Variants in FAF1 observed in about 807,000 individuals in gnomAD.
FAF1 encodes Fas associated factor 1.
Under a neutral mutation model 92.5 loss-of-function variants are expected in FAF1, and 25 were observed. That is an observed-to-expected ratio of 0.27 (90% CI 0.20 to 0.38). The LOEUF is 0.38. FAF1 is among the 10% of genes least tolerant of loss of function. The pLI is 1.00. For synonymous variants in FAF1, 234 were observed against 273.2 expected (o/e 0.86, Z 1.42); for missense variants, 636 against 793.3 (o/e 0.80, Z 2.38).
intron 4 of FAF1, among the ~76,000 whole-genome samples, chr1:50,745,745 T>C (rs1482606875): frequency 6.6e-6 from 1 of 152,160 alleles, no homozygotes; most frequent in Non-Finnish European, 1.5e-5. Flanking sequence ...TTACAAATTA[T>C]CCAGTCTCGG....
At chr1:50,839,853 T>G (rs1265852886) in intron 2 of FAF1, among the ~76,000 whole-genome samples, 2 of 152,082 alleles carry the variant, frequency 1.3e-5, no homozygotes, top group African/African-American at 2.4e-5. Context: ...GCTTTTCAAA[T>G]TTAATCAACT....
intron 6 of FAF1, among the ~76,000 whole-genome samples, chr1:50,712,421 A>G (rs924552208): frequency 1.3e-5 from 2 of 151,900 alleles, no homozygotes; most frequent in African/African-American, 2.4e-5. Context: ...TTTGGGAGGC[A>G]GAGGTGGGTG....
chr1:50,941,506 C>T (rs1278035758), intron 1 of FAF1, among the ~76,000 whole-genome samples: 2 of 152,098 alleles, frequency 1.3e-5, no homozygotes, highest in Non-Finnish European at 2.9e-5. Context: ...CATGAGCCAC[C>T]GTGCCAGTCC....
chr1:50,928,334 G>A (rs909226376), intron 1 of FAF1, among the ~76,000 whole-genome samples: 2 of 152,264 alleles, frequency 1.3e-5, no homozygotes, highest in East Asian at 1.9e-4. Context: ...TTGAGTATAT[G>A]GAGAAAAGAA....
At chr1:50,929,605 A>G (rs984387226) in intron 1 of FAF1, among the ~76,000 whole-genome samples, 1 of 152,188 alleles carries the variant, frequency 6.6e-6, no homozygotes, top group African/African-American at 2.4e-5. Flanking sequence ...ACATCTTGGG[A>G]ATTTCATTAC....
chr1:50,629,534 TAGGA>T (rs763661378), intron 8 of FAF1, among the ~76,000 whole-genome samples: 10 of 152,230 alleles, frequency 6.6e-5, no homozygotes, highest in Non-Finnish European at 1.3e-4. Flanking sequence ...GGAACTATGC[TAGGA>T]AAGAAAGGAT....
chr1:50,554,009 G>C (rs1008861746), intron 13 of FAF1, among the ~76,000 whole-genome samples: 1 of 151,770 alleles, frequency 6.6e-6, no homozygotes, highest in African/African-American at 2.4e-5. Flanking sequence ...GGCCTGGGTG[G>C]CTGCAAGTTG....
intron 18 of FAF1, among the ~76,000 whole-genome samples, chr1:50,463,672 C>T (rs1208003958): frequency 2.6e-5 from 4 of 152,194 alleles, no homozygotes; most frequent in Non-Finnish European, 5.9e-5. Context: ...AATGTCTGCA[C>T]AAGGTCTGGC....
intron 13 of FAF1, 77 bp from the exon 14 acceptor site, chr1:50,539,805 T>C (rs1648676138): frequency 1.9e-6 from 2 of 1,037,770 alleles, no homozygotes; most frequent in Non-Finnish European, 1.4e-6. Flanking sequence ...AAAGAACTCA[T>C]TGTGTTATTA....
At chr1:50,648,910 G>C (rs2124272773) in intron 8 of FAF1, among the ~76,000 whole-genome samples, 1 of 152,264 alleles carries the variant, frequency 6.6e-6, no homozygotes, top group East Asian at 1.9e-4. Flanking sequence ...TGGGTAACAA[G>C]AGCGAAACTC....
intron 15 of FAF1, among the ~76,000 whole-genome samples, chr1:50,519,059 C>T (rs112940663): frequency 0.016 from 2,490 of 152,132 alleles, 73 homozygotes; most frequent in African/African-American, 0.056. Flanking sequence ...CGGCCAGGCA[C>T]GGTGGCTCAC....
Position 50,567,154 on chromosome 1 carries a change from A to C in FAF1, c.1191T>G (p.Ala397=), listed in dbSNP as rs1182111722. The C allele has an allele frequency of 5.0e-6, 8 of 1,610,560 alleles. No individual in the cohort carries two copies. The highest frequency in any genetic ancestry group is 5.9e-6 in the Non-Finnish European group (7 of 1,177,472). Residue 397 remains alanine, a synonymous_variant, in exon 13 of 19, where the codon GCT becomes GCG. Transcript: ENST00000396153. ...TNVFCSQMLC[A]ESIVSYLSQN... ...GACTCAGATAAGAAACAATGGATTCAGCACAAAGCATTTGTGAGCAGAACA... is the reference window on the plus strand; with the variant it reads ...GACTCAGATAAGAAACAATGGATTCCGCACAAAGCATTTGTGAGCAGAACA...
chr1:50,656,603 C>G (rs950168034), intron 7 of FAF1, among the ~76,000 whole-genome samples: 1 of 152,164 alleles, frequency 6.6e-6, no homozygotes, highest in East Asian at 1.9e-4. Flanking sequence ...GAAGTGTTGG[C>G]TAGGCATGGT....
chr1:50,495,518 C>T (rs548109881), intron 15 of FAF1, among the ~76,000 whole-genome samples: 15 of 152,288 alleles, frequency 9.8e-5, no homozygotes, highest in African/African-American at 3.4e-4. Context: ...TATTGATGGA[C>T]ATTTAGGTTG....
At chr1:50,640,356 G>A (rs1318162191) in intron 8 of FAF1, among the ~76,000 whole-genome samples, 1 of 150,186 alleles carries the variant, frequency 6.7e-6, no homozygotes, top group African/African-American at 2.4e-5. Flanking sequence ...GCAGTGGTGC[G>A]ATCTCGGCTC....
At chr1:50,889,344 T>C (rs1644699392) in intron 1 of FAF1, among the ~76,000 whole-genome samples, 1 of 152,148 alleles carries the variant, frequency 6.6e-6, no homozygotes, top group African/African-American at 2.4e-5. Context: ...TTTTGAAGGG[T>C]TTTTTGTGTC....
intron 15 of FAF1, among the ~76,000 whole-genome samples, chr1:50,524,321 C>G (rs1647674746): frequency 6.6e-6 from 1 of 152,158 alleles, no homozygotes; most frequent in Non-Finnish European, 1.5e-5. Context: ...AAAATTTTCT[C>G]CCATTCTGTA....
At chr1:50,623,751 GGGCAACTT>G (rs1459918430) in intron 8 of FAF1, among the ~76,000 whole-genome samples, 1 of 151,914 alleles carries the variant, frequency 6.6e-6, no homozygotes, top group Non-Finnish European at 1.5e-5. Flanking sequence ...AGACCAGGCT[GGGCAACTT>G]GGCAAAACCC....
intron 2 of FAF1, among the ~76,000 whole-genome samples, chr1:50,838,572 A>G (rs183396895): frequency 1.7e-3 from 252 of 148,176 alleles, no homozygotes; most frequent in African/African-American, 5.9e-3. Context: ...TATATATTTT[A>G]TATAATTATA....
Sources: gnomAD v4.1 joint callset for allele counts (sites outside exome capture counted in the v4.1 genomes callset) on GRCh38, gnomAD v4.1.1 for gene constraint, MANE v1.5 for transcripts, NCBI Gene and HGNC (gene_info 2026-07-23, HGNC 2026-07-21) for gene names.